Variants in ZNF462 observed in about 807,000 individuals in gnomAD.
ZNF462 encodes the protein zinc finger PBX1-interacting protein.
In ZNF462, 10 loss-of-function variants were observed where a neutral mutation model predicts 201.9. The observed-to-expected ratio is 0.05, with a 90% CI of 0.03 to 0.08. ZNF462 has a LOEUF of 0.08. Among genes scored for constraint, ZNF462 ranks in the 10% least tolerant of loss-of-function variants. ZNF462 has a pLI of 1.00. For synonymous variants in ZNF462, 1,227 were observed against 1,193.3 expected, an observed-to-expected ratio of 1.03 and a Z score of -0.58; for missense variants, 2,523 against 3,168.3, an observed-to-expected ratio of 0.80 and a Z score of 4.89.
chr9:106,912,249 C>G (rs1030793940), intron 1 of ZNF462, among the ~76,000 whole-genome samples: 1 of 152,018 alleles, frequency 6.6e-6, no homozygotes, highest in Non-Finnish European at 1.5e-5. Context: ...ATTGTTCCGA[C>G]TCCATGAGGT....
intron 1 of ZNF462, among the ~76,000 whole-genome samples, chr9:106,897,359 C>A (rs1828855869): frequency 6.6e-6 from 1 of 152,132 alleles, no homozygotes; most frequent in African/African-American, 2.4e-5. Context: ...TTTTGGTATG[C>A]AGGAAAAAGA....
At chr9:106,971,377 A>C (rs1226143519) in intron 7 of ZNF462, among the ~76,000 whole-genome samples, 1 of 150,328 alleles carries the variant, frequency 6.7e-6, no homozygotes, top group Non-Finnish European at 1.5e-5. Flanking sequence ...AAAAAAAAAA[A>C]CAACAACAAC....
rs1830743034 is a variant in ZNF462, at chr9:106,938,863, T to C, written c.6236-53T>C. The C allele has an allele frequency of 2.0e-6, 3 of 1,534,976 alleles. No homozygotes were observed. Among genetic ancestry groups the C allele is most frequent in the Non-Finnish European group, 2.6e-6 (3 of 1,136,058 alleles). On this transcript the variant is annotated intron_variant, in intron 6 of 12. Coordinates refer to ENST00000277225, the MANE Select transcript of ZNF462 (RefSeq NM_021224.6). The surrounding 1 kb of genome is among the most constrained non-coding windows in gnomAD (Gnocchi z 4.4). Reference sequence around the variant, plus strand: ...TTATCTTGTTTCCACCCTGGCCTTATACCCTTCTCCCCTCTTTTTCCTGTT... The same window carrying C: ...TTATCTTGTTTCCACCCTGGCCTTACACCCTTCTCCCCTCTTTTTCCTGTT...
At chr9:106,965,792 T>A (rs2131960869) in intron 7 of ZNF462, among the ~76,000 whole-genome samples, 1 of 152,176 alleles carries the variant, frequency 6.6e-6, no homozygotes. Flanking sequence ...CATTGCAGAA[T>A]TCTGTTTCTG....
chr9:106,919,999 G>C lies in ZNF462; in HGVS notation c.-30-3355G>C, dbSNP rs955851335. On this transcript the variant is annotated intron_variant, in intron 1 of 12. Transcript: ENST00000277225. The surrounding 1 kb of genome is among the most constrained non-coding windows in gnomAD (Gnocchi z 4.5). ...AAATATTGCTAATTTCATAATCATA[G>C]TATTATTAAATGAAGTCAATAGATA... is the stretch of plus-strand genomic sequence containing the variant. Among the ~76,000 whole-genome samples, 21 of 152,094 alleles carry C rather than the reference G, an allele frequency of 1.4e-4. No individual in the cohort carries two copies. Among genetic ancestry groups the C allele is most frequent in the Non-Finnish European group, 1.6e-4 (11 of 68,032 alleles).
At position 106,932,510 on chromosome 9, in the gene ZNF462, G is replaced by A. The variant is rs1830464949; in HGVS notation, c.6077G>A (p.Ser2026Asn). 1 of 1,614,230 alleles carries A rather than the reference G, an allele frequency of 6.2e-7. No homozygotes were observed. The highest frequency in any genetic ancestry group is 8.5e-7 in the Non-Finnish European group (1 of 1,180,050). Residue 2026 changes from serine (S) to asparagine (N), a missense_variant, in exon 5 of 13, where the codon AGC (serine) becomes AAC (asparagine). Around this residue, in one of 15 missense-constraint regions of ZNF462, gnomAD observed 107 missense variants for 187.7 expected, o/e 0.57. Coordinates refer to ENST00000277225, the MANE Select transcript of ZNF462 (RefSeq NM_021224.6). This position sits in a 1 kb window ranked among gnomAD's most constrained non-coding sequence, Gnocchi z 6.8. ...LAMFTREDKY[S>N]CQYCSFVSAF... Reference sequence around the variant, plus strand: ...ATGTTTACCCGCGAGGACAAGTACAGCTGCCAGTATTGCTCGTTTGTTTCT... The same window carrying A: ...ATGTTTACCCGCGAGGACAAGTACAACTGCCAGTATTGCTCGTTTGTTTCT...
Position 106,987,150 on chromosome 9 carries a change from A to G in ZNF462, c.7056+2741A>G, listed in dbSNP as rs182063268. On this transcript the variant is annotated intron_variant, in intron 10 of 12. Transcript: ENST00000277225. ...ATGCATATGCAAGTATCTTTTTCGAATAGTGACTTTTCCTCTGGGTAGATA... is the reference window on the plus strand; with the variant it reads ...ATGCATATGCAAGTATCTTTTTCGAGTAGTGACTTTTCCTCTGGGTAGATA... Among the ~76,000 whole-genome samples, 40 of 152,264 alleles carry G rather than the reference A, an allele frequency of 2.6e-4. No homozygotes were observed. The South Asian group carries it at 7.5e-3, about 28-fold the overall frequency.
Position 106,968,074 on chromosome 9 carries a change from T to C in ZNF462, c.6428-3931T>C, listed in dbSNP as rs1832162506. ...ATTGCTGAAGCAACGTTCATGTTCT[T>C]TTTGGCTCCTCTGATTTGTATCACA... On this transcript the variant is annotated intron_variant, in intron 7 of 12. Transcript: ENST00000277225. This position sits in a 1 kb window ranked among gnomAD's most constrained non-coding sequence, Gnocchi z 4.0. Among the ~76,000 whole-genome samples, 1 of 152,226 alleles carries C rather than the reference T, an allele frequency of 6.6e-6. No individual in the cohort carries two copies. Among genetic ancestry groups the C allele is most frequent in the Admixed American group, 6.5e-5 (1 of 15,280 alleles).
At chr9:106,973,576 A>G (rs1349136386) in intron 8 of ZNF462, among the ~76,000 whole-genome samples, 1 of 152,142 alleles carries the variant, frequency 6.6e-6, no homozygotes, top group Non-Finnish European at 1.5e-5. Context: ...TTAATGAGAC[A>G]TTTAAGGCTT....
In ZNF462 at chr9:107,009,787, C is replaced by A; in HGVS notation, c.7313+119C>A. 2 of 1,424,740 alleles carry A rather than the reference C, an allele frequency of 1.4e-6. No individual in the cohort carries two copies. The highest frequency in any genetic ancestry group is 1.4e-5 in the South Asian group (1 of 70,504). 88.3% of individuals were successfully genotyped at this position (1,424,740 alleles called of 1,614,324 possible). On this transcript the variant is annotated intron_variant, in intron 12 of 12. Coordinates refer to ENST00000277225, the MANE Select transcript of ZNF462 (RefSeq NM_021224.6). The surrounding 1 kb of genome is among the most constrained non-coding windows in gnomAD (Gnocchi z 6.1). ...ACCCCTCTGTGTCACATTTCTGGGC[C>A]GTGGGAGGAGAGGCAATGGTGAGGA...
chr9:106,870,588 C>T lies in ZNF462; in HGVS notation c.-31+7233C>T, dbSNP rs1827546262. 6.6e-6 allele frequency among the ~76,000 whole-genome samples: 1 copy of T among 152,146 alleles called. No individual in the cohort carries two copies. Among genetic ancestry groups the T allele is most frequent in the Non-Finnish European group, 1.5e-5 (1 of 68,020 alleles). On this transcript the variant is annotated intron_variant, in intron 1 of 12. Coordinates refer to ENST00000277225, the MANE Select transcript of ZNF462 (RefSeq NM_021224.6). The surrounding 1 kb of genome is among the most constrained non-coding windows in gnomAD (Gnocchi z 4.3). ...TCACATAGACAAATTTTAACAAAGACCACACCAGGAAAAATGGAGAAAATT... is the reference window on the plus strand; with the variant it reads ...TCACATAGACAAATTTTAACAAAGATCACACCAGGAAAAATGGAGAAAATT...
Position 106,925,235 on chromosome 9 carries a change from C to T in ZNF462, c.1323C>T (p.Cys441=), listed in dbSNP as rs1256745299. ...PFRRFMNRFQ[C]PFCPFLTMHR... is the part of the protein sequence containing the mutation. ...GAAGATTCATGAATAGGTTCCAGTG[C>T]CCCTTTTGTCCTTTCCTCACCATGC... The change falls in exon 3 of 13, where the codon TGC becomes TGT. Residue 441 remains cysteine (C), a synonymous_variant. Coordinates refer to ENST00000277225, the MANE Select transcript of ZNF462 (RefSeq NM_021224.6). The surrounding 1 kb of genome is among the most constrained non-coding windows in gnomAD (Gnocchi z 7.9). 4 of 1,614,070 alleles carry T rather than the reference C, an allele frequency of 2.5e-6. No individual in the cohort carries two copies. Among genetic ancestry groups the T allele is most frequent in the Non-Finnish European group, 2.5e-6 (3 of 1,180,046 alleles).
rs1196558352 is a variant in ZNF462 at position 106,885,965 on chromosome 9, G to A, written c.-31+22610G>A. On this transcript the variant is annotated intron_variant, in intron 1 of 12. Coordinates refer to ENST00000277225, the MANE Select transcript of ZNF462 (RefSeq NM_021224.6). This position sits in a 1 kb window ranked among gnomAD's most constrained non-coding sequence, Gnocchi z 4.1. ...TGCTCTTTGGATATTTCCTCATCTA[G>A]ATAGACGGGACTTTTTGTTTTCCCC... is the stretch of plus-strand genomic sequence containing the variant. Among the ~76,000 whole-genome samples the A allele has an allele frequency of 4.6e-5, 7 of 152,194 alleles. No individual in the cohort carries two copies. The highest frequency in any genetic ancestry group is 8.8e-5 in the Non-Finnish European group (6 of 68,034).
chr9:106,934,713 A>G (rs188414953), intron 5 of ZNF462, among the ~76,000 whole-genome samples: 57 of 152,256 alleles, frequency 3.7e-4, no homozygotes, highest in Non-Finnish European at 7.9e-4. Flanking sequence ...TTTAGAAGGG[A>G]ATTTAGTTCT....
chr9:106,972,497 A>G lies in ZNF462; in HGVS notation c.6695+225A>G, dbSNP rs1826674782. Among the ~76,000 whole-genome samples the G allele has an allele frequency of 6.6e-6, 1 of 152,208 alleles. No individual in the cohort carries two copies. Among genetic ancestry groups the G allele is most frequent in the South Asian group, 2.1e-4 (1 of 4,832 alleles). ...TATATCAGAACAAATGAGTTTTAAA[A>G]TTGGAGCAAATGGGCTCTCAAGTAG... On this transcript the variant is annotated intron_variant, in intron 8 of 12. Coordinates refer to ENST00000277225, the MANE Select transcript of ZNF462 (RefSeq NM_021224.6). This position sits in a 1 kb window ranked among gnomAD's most constrained non-coding sequence, Gnocchi z 4.8.
chr9:106,899,337 A>AT (rs1315865970), intron 1 of ZNF462, among the ~76,000 whole-genome samples: 1 of 151,940 alleles, frequency 6.6e-6, no homozygotes, highest in African/African-American at 2.4e-5. Context: ...TCAAAGATAA[A>AT]TTGAAAATGC....
rs1367146097 is a variant in ZNF462 at position 106,895,638 on chromosome 9, T to G, written c.-30-27716T>G. On this transcript the variant is annotated intron_variant, in intron 1 of 12. Transcript: ENST00000277225. The surrounding 1 kb of genome is among the most constrained non-coding windows in gnomAD (Gnocchi z 4.4). The stretch of plus-strand genomic sequence containing the variant: ...GAAACTGGATAGATCTTACGTTATT[T>G]AATCCCTATGAAATGGATATTTTTT... 6.6e-6 allele frequency among the ~76,000 whole-genome samples: 1 copy of G among 152,230 alleles called. No homozygotes were observed. The highest frequency in any genetic ancestry group is 1.5e-5 in the Non-Finnish European group (1 of 68,040).
intron 10 of ZNF462, among the ~76,000 whole-genome samples, chr9:106,990,400 TG>T (rs1194062755): frequency 6.6e-6 from 1 of 152,068 alleles, no homozygotes; most frequent in Non-Finnish European, 1.5e-5. Flanking sequence ...CTGTGGTTGT[TG>T]GATGGAATGT....
rs1007470892 is a variant in ZNF462, at chr9:106,927,216, C to T, written c.3304C>T (p.Pro1102Ser). 2 of 1,610,560 alleles carry T rather than the reference C, an allele frequency of 1.2e-6. No individual in the cohort carries two copies. Among genetic ancestry groups the T allele is most frequent in the Non-Finnish European group, 1.7e-6 (2 of 1,178,790 alleles). Residue 1102 changes from proline to serine, a missense_variant, in exon 3 of 13, where the codon CCA becomes TCA. This residue lies in a region of ZNF462 where 280 missense variants were observed against 321.3 expected (regional missense o/e 0.87). Coordinates refer to ENST00000277225, the MANE Select transcript of ZNF462 (RefSeq NM_021224.6). The part of the protein sequence containing the change: ...KMSNMGSPPP[P>S]QPPPPDLSTE... ...GTCCAACATGGGTTCCCCACCCCCC[C>T]CACAACCCCCGCCACCAGACCTCAG...
Sources: gnomAD v4.1 joint callset for allele counts (sites outside exome capture counted in the v4.1 genomes callset) on GRCh38, gnomAD v4.1.1 for gene constraint, gnomAD v4.1.1 regional missense constraint, Gnocchi (gnomAD v3.1) non-coding constraint, MANE v1.5 for transcripts, NCBI Gene and HGNC (gene_info 2026-07-23, HGNC 2026-07-21) for gene names.